HK2: variants seen among roughly 807,000 people sequenced by gnomAD.
HK2 encodes hexokinase-2.
A neutral mutation model predicts 92.9 loss-of-function variants in HK2; 42 were observed. That is an observed-to-expected ratio of 0.45 (90% CI 0.35 to 0.58). HK2 has a LOEUF of 0.58. Among genes scored for constraint, HK2 ranks in the 20% least tolerant of loss-of-function variants. HK2 has a pLI of 0.00. For missense variants in HK2, 978 were observed against 1,245.1 expected (o/e 0.79, Z 3.23); for synonymous variants, 422 against 468.0 (o/e 0.90, Z 1.27).
intron 1 of HK2, among the ~76,000 whole-genome samples, chr2:74,849,862 C>G (rs532315337): frequency 6.6e-6 from 1 of 152,334 alleles, no homozygotes; most frequent in Admixed American, 6.5e-5. Flanking sequence ...CTAGGATTTG[C>G]ATACTGGTGT....
At position 74,885,563 on chromosome 2, in the gene HK2, C is replaced by T. The variant is rs1401054664; in HGVS notation, c.1909C>T (p.Leu637=). The T allele has an allele frequency of 6.2e-7, 1 of 1,613,302 alleles. No individual in the cohort carries two copies. Among genetic ancestry groups the T allele is most frequent in the Non-Finnish European group, 8.5e-7 (1 of 1,179,486 alleles). ...CGAGGGCGAGGACGTGGTGACCCTG[C>T]TGAAGGAAGCGATCCACCGGCGAGA... ...GCEGEDVVTL[L]KEAIHRREEF... Residue 637 remains leucine (L), a synonymous_variant, in exon 13 of 18, where the codon CTG becomes TTG. Transcript: ENST00000290573.
Position 74,834,771 on chromosome 2 carries a change from G to C in HK2, c.63+128G>C. On this transcript the variant is annotated intron_variant, in intron 1 of 17. Coordinates refer to ENST00000290573, the MANE Select transcript of HK2 (RefSeq NM_000189.5). This position sits in a 1 kb window ranked among gnomAD's most constrained non-coding sequence, Gnocchi z 4.2. ...CGGGCCTGGGAGCGGAAAAAGTTTG[G>C]GCAGCCGGGACACTCCTGGGCGCCA... 5.8e-6 allele frequency: 6 copies of C among 1,030,416 alleles called. No individual in the cohort carries two copies. Among genetic ancestry groups the C allele is most frequent in the African/African-American group, 1.6e-5 (1 of 63,628 alleles). The allele number at this position is 1,030,416 out of a possible 1,614,324, so 63.8% of individuals were successfully genotyped here.
At chr2:74,848,006 T>C (rs1688483843) in intron 1 of HK2, among the ~76,000 whole-genome samples, 1 of 152,214 alleles carries the variant, frequency 6.6e-6, no homozygotes, top group Non-Finnish European at 1.5e-5. Context: ...GCTAATGTAA[T>C]GTTGTGAAGG....
At chr2:74,881,092 T>C (rs1468250527) in intron 10 of HK2, among the ~76,000 whole-genome samples, 1 of 152,194 alleles carries the variant, frequency 6.6e-6, no homozygotes, top group Non-Finnish European at 1.5e-5. Context: ...GCCATGCCCA[T>C]GCGTCTGCAC....
chr2:74,836,390 C>G (rs1388521571), intron 1 of HK2, among the ~76,000 whole-genome samples: 2 of 152,192 alleles, frequency 1.3e-5, no homozygotes, highest in African/African-American at 4.8e-5. Context: ...ACCAGGGTAT[C>G]TGGAAATGAG....
In HK2 at chr2:74,834,780, G is replaced by A; in HGVS notation, c.63+137G>A. 1 of 930,728 alleles carries A rather than the reference G, an allele frequency of 1.1e-6. No homozygotes were observed. The highest frequency in any genetic ancestry group is 1.7e-6 in the Non-Finnish European group (1 of 585,746). 57.7% of individuals were successfully genotyped at this position (930,728 alleles called of 1,614,324 possible). On this transcript the variant is annotated intron_variant, in intron 1 of 17. Coordinates refer to ENST00000290573, the MANE Select transcript of HK2 (RefSeq NM_000189.5). The surrounding 1 kb of genome is among the most constrained non-coding windows in gnomAD (Gnocchi z 4.2). ...GAGCGGAAAAAGTTTGGGCAGCCGG[G>A]ACACTCCTGGGCGCCAGGAGCCACG... is the stretch of plus-strand genomic sequence containing the variant.
intron 15 of HK2, 113 bp from the exon 16 acceptor site, chr2:74,887,790 G>A: frequency 1.1e-6 from 1 of 921,980 alleles, no homozygotes; most frequent in Admixed American, 1.7e-5. Flanking sequence ...CATCAGGGGA[G>A]TCTGCCTGTC....
At chr2:74,848,720 G>A (rs1688498920) in intron 1 of HK2, among the ~76,000 whole-genome samples, 1 of 152,130 alleles carries the variant, frequency 6.6e-6, no homozygotes, top group East Asian at 1.9e-4. Context: ...GTCAAAATTG[G>A]AATATTGCTG....
chr2:74,845,796 T>C (rs3821309), intron 1 of HK2, among the ~76,000 whole-genome samples: 22,977 of 152,252 alleles, frequency 0.15, 2,021 homozygotes, highest in African/African-American at 0.23. Flanking sequence ...ACAGAATCCA[T>C]GTTCTGCTGT....
At chr2:74,871,399 T>C (rs916689803) in intron 3 of HK2, among the ~76,000 whole-genome samples, 1 of 152,244 alleles carries the variant, frequency 6.6e-6, no homozygotes, top group African/African-American at 2.4e-5. Context: ...CTCTTTGGCC[T>C]CTGCTTACTT....
At chr2:74,836,078 G>T (rs899929036) in intron 1 of HK2, among the ~76,000 whole-genome samples, 1 of 152,196 alleles carries the variant, frequency 6.6e-6, no homozygotes, top group African/African-American at 2.4e-5. Context: ...TCTGCACCTT[G>T]ATTCAGTTTA....
intron 12 of HK2, 189 bp downstream of exon 12, chr2:74,882,428 C>G (rs1017400503): frequency 8.7e-6 from 2 of 228,580 alleles, no homozygotes; most frequent in Non-Finnish European, 1.4e-5. Flanking sequence ...TAGGTTAGCT[C>G]AGCTGTGACA....
chr2:74,853,933 G>A (rs908454925), intron 1 of HK2, among the ~76,000 whole-genome samples: 1 of 152,054 alleles, frequency 6.6e-6, no homozygotes, highest in South Asian at 2.1e-4. Flanking sequence ...GCTGTGACTG[G>A]CCATGTCAGG....
intron 3 of HK2, among the ~76,000 whole-genome samples, chr2:74,871,813 T>C (rs1304498704): frequency 6.6e-6 from 1 of 152,214 alleles, no homozygotes; most frequent in Admixed American, 6.5e-5. Context: ...ATGCTGTCCC[T>C]GCAAACCACC....
chr2:74,882,851 C>T (rs1270486782), intron 12 of HK2, among the ~76,000 whole-genome samples: 3 of 151,812 alleles, frequency 2.0e-5, no homozygotes, highest in Non-Finnish European at 4.4e-5. Flanking sequence ...CCTGTGCTGT[C>T]AGTTATGCTG....
At chr2:74,854,091 AT>A in intron 1 of HK2, among the ~76,000 whole-genome samples, 1 of 151,588 alleles carries the variant, frequency 6.6e-6, no homozygotes, top group Non-Finnish European at 1.5e-5. Flanking sequence ...AATTAGGTCT[AT>A]TTTTATAATT....
At chr2:74,864,131 A>C (rs943854711) in intron 2 of HK2, among the ~76,000 whole-genome samples, 1 of 152,164 alleles carries the variant, frequency 6.6e-6, no homozygotes, top group Non-Finnish European at 1.5e-5. Flanking sequence ...GCTCAGCTCA[A>C]CTGTGGCAGC....
At chr2:74,850,755 C>G (rs569562717) in intron 1 of HK2, among the ~76,000 whole-genome samples, 2 of 152,320 alleles carry the variant, frequency 1.3e-5, no homozygotes, top group East Asian at 3.9e-4. Context: ...TTGTTTCTGA[C>G]TTCTGCTTCC....
At chr2:74,874,898 G>A (rs1306006218) in intron 7 of HK2, among the ~76,000 whole-genome samples, 1 of 152,074 alleles carries the variant, frequency 6.6e-6, no homozygotes, top group Non-Finnish European at 1.5e-5. Flanking sequence ...TGGGGTCCCA[G>A]GGCCTCCTGC....
Sources: gnomAD v4.1 joint callset for allele counts (sites outside exome capture counted in the v4.1 genomes callset) on GRCh38, gnomAD v4.1.1 for gene constraint, Gnocchi (gnomAD v3.1) non-coding constraint, MANE v1.5 for transcripts, NCBI Gene and HGNC (gene_info 2026-07-23, HGNC 2026-07-21) for gene names.